DCC: variants seen among roughly 807,000 people sequenced by gnomAD.
DCC encodes the protein netrin receptor DCC.
A neutral mutation model predicts 172.5 loss-of-function variants in DCC; 58 were observed. The ratio of observed to expected loss-of-function variants is 0.34; its 90% confidence interval spans 0.27 to 0.42. The LOEUF is 0.42. DCC is among the 10% of genes least tolerant of loss of function. DCC has a pLI of 1.00. For synonymous variants in DCC, 709 were observed against 644.5 expected (o/e 1.10, Z -1.52); for missense variants, 1,740 against 1,791.0 (o/e 0.97, Z 0.51).
intron 13 of DCC, among the ~76,000 whole-genome samples, chr18:53,312,734 G>A (rs1453691146): frequency 6.8e-6 from 1 of 147,516 alleles, no homozygotes; most frequent in African/African-American, 2.5e-5. Flanking sequence ...GCTTGAACCG[G>A]GGAGGCAGAG....
chr18:52,561,474 A>G (rs72912975), intron 1 of DCC, among the ~76,000 whole-genome samples: 212 of 152,184 alleles, frequency 1.4e-3, no homozygotes, highest in Non-Finnish European at 2.6e-3. Context: ...ATATATACAT[A>G]TACACACACA....
At chr18:52,628,673 G>A (rs898229801) in intron 1 of DCC, among the ~76,000 whole-genome samples, 41 of 152,334 alleles carry the variant, frequency 2.7e-4, no homozygotes, top group African/African-American at 7.9e-4. Context: ...TGGGAGAACA[G>A]AGGCCTGCAA....
chr18:52,707,588 C>T (rs1170904470), intron 1 of DCC, among the ~76,000 whole-genome samples: 1 of 152,080 alleles, frequency 6.6e-6, no homozygotes, highest in Non-Finnish European at 1.5e-5. Flanking sequence ...GGGCTATTCA[C>T]AATAGTCAAG....
At chr18:53,470,662 C>A (rs1009621275) in intron 25 of DCC, among the ~76,000 whole-genome samples, 1 of 152,044 alleles carries the variant, frequency 6.6e-6, no homozygotes, top group Non-Finnish European at 1.5e-5. Flanking sequence ...CCTCATGAAA[C>A]TCAGAATCAT....
chr18:53,269,987 G>T (rs553952538), intron 12 of DCC, among the ~76,000 whole-genome samples: 3 of 152,086 alleles, frequency 2.0e-5, no homozygotes, highest in Non-Finnish European at 4.4e-5. Flanking sequence ...TTAAGGCAGG[G>T]TTTAGAAAAT....
intron 2 of DCC, among the ~76,000 whole-genome samples, chr18:52,806,434 C>G (rs2038084928): frequency 6.6e-6 from 1 of 152,194 alleles, no homozygotes; most frequent in Admixed American, 6.5e-5. Flanking sequence ...CAAGCCAGTG[C>G]TCACCAAAAT....
chr18:52,541,875 GTATATATATA>G (rs765428849), intron 1 of DCC, among the ~76,000 whole-genome samples: 1 of 115,202 alleles, frequency 8.7e-6, no homozygotes, highest in African/African-American at 3.3e-5. Context: ...GTGTGTGTGT[GTATATATATA>G]TATATATATA....
chr18:52,431,079 T>A (rs1003609506), intron 1 of DCC, among the ~76,000 whole-genome samples: 5 of 152,130 alleles, frequency 3.3e-5, no homozygotes, highest in Admixed American at 2.0e-4. Flanking sequence ...TTCACAGTGA[T>A]CCTCAAAGTG....
chr18:53,502,743 C>CTAAT (rs1469987063), intron 27 of DCC, among the ~76,000 whole-genome samples: 4 of 152,164 alleles, frequency 2.6e-5, no homozygotes, highest in East Asian at 1.9e-4. Flanking sequence ...AGGCATTGCT[C>CTAAT]TAATTTTTAA....
chr18:53,385,815 GGTTTTCTACCTAGTA>G lies in DCC; in HGVS notation c.2360-224_2360-210del, dbSNP rs1244100418. ...TTGCAGCAAGCAGATAAATGCTTTC[GGTTTTCTACCTAGTA>G]GTTCAGTATGTTTTCATATGGGGAT... On this transcript the variant is annotated intron_variant, in intron 15 of 28. Transcript: ENST00000442544. Among the ~76,000 whole-genome samples the G allele has an allele frequency of 2.0e-5, 3 of 152,054 alleles. No homozygotes were observed. The East Asian group carries it at 5.8e-4, about 29-fold the overall frequency.
At chr18:53,391,254 G>A (rs942894574) in intron 16 of DCC, among the ~76,000 whole-genome samples, 50 of 152,234 alleles carry the variant, frequency 3.3e-4, no homozygotes, top group Admixed American at 2.8e-3. Context: ...TTTGTAGGCA[G>A]AAATAAACTG....
At chr18:52,406,253 T>C (rs557457496) in intron 1 of DCC, among the ~76,000 whole-genome samples, 48 of 150,128 alleles carry the variant, frequency 3.2e-4, no homozygotes, top group Admixed American at 7.3e-4. Flanking sequence ...ATTCAGGACA[T>C]AGGCATGGTC....
At chr18:52,462,427 C>T (rs559761786) in intron 1 of DCC, among the ~76,000 whole-genome samples, 6 of 152,268 alleles carry the variant, frequency 3.9e-5, no homozygotes, top group African/African-American at 1.4e-4. Context: ...CATCCTATTT[C>T]ATTCTGCTCC....
Position 52,740,251 on chromosome 18 carries a change from GT to G in DCC, c.92-11802del, listed in dbSNP as rs1161035995. On this transcript the variant is annotated intron_variant, in intron 1 of 28. Transcript: ENST00000442544. Reference sequence around the variant, plus strand: ...ATCTATAAAACAAGTTATTTGAGAAGTCCTTTAATAAATGCTGACCTCGTGA... The same window carrying G: ...ATCTATAAAACAAGTTATTTGAGAAGCCTTTAATAAATGCTGACCTCGTGA... 4.6e-5 allele frequency among the ~76,000 whole-genome samples: 7 copies of G among 152,218 alleles called. 1 individual carries two copies. Among genetic ancestry groups the G allele is most frequent in the Middle Eastern group, 3.4e-3 (1 of 294 alleles).
At chr18:52,638,388 A>T (rs765122387) in intron 1 of DCC, among the ~76,000 whole-genome samples, 2 of 152,190 alleles carry the variant, frequency 1.3e-5, no homozygotes, top group African/African-American at 2.4e-5. Context: ...CACTTAAAAG[A>T]TACAGAACCA....
rs117598054 is a variant in DCC, at chr18:53,009,278, G to A, written c.986-54027G>A. On this transcript the variant is annotated intron_variant, in intron 5 of 28. Transcript: ENST00000442544. The stretch of plus-strand genomic sequence containing the variant: ...AAGCTTTTATTATTTTCTGATGCTT[G>A]AAACCCATTGTTTCAATAAAAGATG... Among the ~76,000 whole-genome samples the A allele has an allele frequency of 6.8e-4, 104 of 151,998 alleles. 2 individuals carry two copies. The East Asian group carries it at 0.018, about 26-fold the overall frequency.
At chr18:52,370,629 A>T (rs1985078026) in intron 1 of DCC, among the ~76,000 whole-genome samples, 1 of 152,186 alleles carries the variant, frequency 6.6e-6, no homozygotes. Context: ...TACCTAGATG[A>T]TGGGTTGATC....
At chr18:53,214,679 G>C in intron 11 of DCC, among the ~76,000 whole-genome samples, 1 of 152,052 alleles carries the variant, frequency 6.6e-6, no homozygotes, top group South Asian at 2.1e-4. Context: ...TTTATTGAAT[G>C]CTACTTCTAT....
intron 1 of DCC, among the ~76,000 whole-genome samples, chr18:52,736,793 T>A (rs2036736971): frequency 6.6e-6 from 1 of 151,990 alleles, no homozygotes; most frequent in South Asian, 2.1e-4. Context: ...GAGCTACAGG[T>A]ATTAGGAGAG....
Sources: allele counts gnomAD v4.1 joint callset (sites outside exome capture counted in the v4.1 genomes callset), GRCh38; gene constraint gnomAD v4.1.1; transcripts MANE v1.5; gene names NCBI Gene and HGNC (gene_info 2026-07-23, HGNC 2026-07-21).